SLC26A7: variants seen among roughly 807,000 people sequenced by gnomAD.
SLC26A7 encodes the protein anion exchange transporter.
A neutral mutation model predicts 82.5 loss-of-function variants in SLC26A7; 59 were observed. The observed-to-expected ratio is 0.72, with a 90% CI of 0.58 to 0.89. The LOEUF is 0.89. SLC26A7 is among the 40% of genes least tolerant of loss of function. SLC26A7 has a pLI of 0.00. For missense variants in SLC26A7, 820 were observed against 793.0 expected, an observed-to-expected ratio of 1.03 and a Z score of -0.41; for synonymous variants, 271 against 274.3, an observed-to-expected ratio of 0.99 and a Z score of 0.12.
At chr8:91,263,961 A>C (rs1038597134) in intron 2 of SLC26A7, among the ~76,000 whole-genome samples, 1 of 150,954 alleles carries the variant, frequency 6.6e-6, no homozygotes, top group Non-Finnish European at 1.5e-5. Flanking sequence ...AGGGATTATC[A>C]TTCCATTTTT....
At chr8:91,313,066 T>A (rs113900654) in intron 4 of SLC26A7, among the ~76,000 whole-genome samples, 1 of 152,176 alleles carries the variant, frequency 6.6e-6, no homozygotes, top group Non-Finnish European at 1.5e-5. Context: ...CTGCCTAATC[T>A]GATGTTATGA....
intron 2 of SLC26A7, among the ~76,000 whole-genome samples, chr8:91,277,623 A>G (rs920626632): frequency 6.6e-6 from 1 of 152,186 alleles, no homozygotes; most frequent in African/African-American, 2.4e-5. Flanking sequence ...ATGGCCCTAT[A>G]ACCAGAACAT....
At chr8:91,312,180 A>G (rs559676646) in intron 4 of SLC26A7, among the ~76,000 whole-genome samples, 15 of 152,146 alleles carry the variant, frequency 9.9e-5, no homozygotes, top group African/African-American at 3.4e-4. Flanking sequence ...TTGACTAAGT[A>G]TTTCATGTCA....
At chr8:91,262,048 C>T (rs1810982060) in intron 2 of SLC26A7, among the ~76,000 whole-genome samples, 1 of 152,054 alleles carries the variant, frequency 6.6e-6, no homozygotes, top group East Asian at 1.9e-4. Context: ...TTTGACCCTT[C>T]CACTTAGCAG....
chr8:91,348,332 G>C (rs1164794228), intron 9 of SLC26A7: 1 of 985,104 alleles, frequency 1.0e-6, no homozygotes, highest in Non-Finnish European at 1.2e-6. Flanking sequence ...AACTACTTAT[G>C]CCTTCTTTGA....
chr8:91,234,161 A>G (rs1176235502), intron 2 of SLC26A7, among the ~76,000 whole-genome samples: 1 of 152,180 alleles, frequency 6.6e-6, no homozygotes, highest in Non-Finnish European at 1.5e-5. Flanking sequence ...TGTTTTTTTC[A>G]TGCCCTTTGA....
Position 91,356,437 on chromosome 8 carries a change from G to A in SLC26A7, c.1314+3441G>A, listed in dbSNP as rs556726210. Among the ~76,000 whole-genome samples, 506 of 152,090 alleles carry A rather than the reference G, an allele frequency of 3.3e-3. 9 individuals are homozygous for A. Among genetic ancestry groups the A allele is most frequent in the African/African-American group, 0.012 (481 of 41,472 alleles). ...ATCGCCATTCTAACTGGTGTGAGAT[G>A]GTATCTCATTGTGGTTTTGATTTGC... On this transcript the variant is annotated intron_variant, in intron 11 of 18. Transcript: ENST00000276609.
chr8:91,296,684 C>T (rs1812026381), intron 4 of SLC26A7, among the ~76,000 whole-genome samples: 1 of 152,148 alleles, frequency 6.6e-6, no homozygotes, highest in Non-Finnish European at 1.5e-5. Context: ...CTTCATAGTC[C>T]TTGAAAGAAA....
chr8:91,278,298 A>T (rs970839284), intron 2 of SLC26A7, among the ~76,000 whole-genome samples: 1 of 152,088 alleles, frequency 6.6e-6, no homozygotes, highest in Admixed American at 6.5e-5. Context: ...GCTGCAAGAG[A>T]CGGGTGAGGC....
intron 11 of SLC26A7, among the ~76,000 whole-genome samples, chr8:91,357,582 T>C (rs1212472541): frequency 6.6e-6 from 1 of 152,180 alleles, no homozygotes; most frequent in African/African-American, 2.4e-5. Flanking sequence ...ACTAATCCCT[T>C]CCTTACACCG....
At chr8:91,268,070 C>A (rs1811162510) in intron 2 of SLC26A7, among the ~76,000 whole-genome samples, 1 of 151,894 alleles carries the variant, frequency 6.6e-6, no homozygotes. Flanking sequence ...TTCCTTCTGA[C>A]ACTGACTTCT....
At chr8:91,258,810 A>G (rs1810878707) in intron 2 of SLC26A7, among the ~76,000 whole-genome samples, 1 of 152,046 alleles carries the variant, frequency 6.6e-6, no homozygotes, top group South Asian at 2.1e-4. Context: ...AGAGCCACCA[A>G]AATTTACCCT....
At chr8:91,359,055 T>C (rs1278319070) in intron 11 of SLC26A7, among the ~76,000 whole-genome samples, 1 of 152,220 alleles carries the variant, frequency 6.6e-6, no homozygotes, top group Admixed American at 6.5e-5. Flanking sequence ...GTTGTGCACA[T>C]GTACCCTAGA....
At chr8:91,316,379 C>G (rs539484065) in intron 4 of SLC26A7, among the ~76,000 whole-genome samples, 1 of 150,376 alleles carries the variant, frequency 6.6e-6, no homozygotes, top group East Asian at 2.0e-4. Context: ...GCCTCCTGGG[C>G]TCAGGCCATC....
chr8:91,369,570 A>T (rs1214012046), intron 14 of SLC26A7, among the ~76,000 whole-genome samples: 1 of 152,200 alleles, frequency 6.6e-6, no homozygotes, highest in African/African-American at 2.4e-5. Flanking sequence ...GTCTGATAAC[A>T]TAAATTATTT....
chr8:91,263,480 T>C (rs1811024344), intron 2 of SLC26A7, among the ~76,000 whole-genome samples: 1 of 152,082 alleles, frequency 6.6e-6, no homozygotes, highest in African/African-American at 2.4e-5. Context: ...ATTTCTCCCT[T>C]TACTATGGCA....
intron 2 of SLC26A7, among the ~76,000 whole-genome samples, chr8:91,254,997 C>A (rs1400983757): frequency 6.6e-6 from 1 of 152,062 alleles, no homozygotes; most frequent in Non-Finnish European, 1.5e-5. Context: ...GTTTCTAAAG[C>A]ATTTTGTGCA....
rs575115905 is a variant in SLC26A7, at chr8:91,388,235, G to A, written c.1676-1103G>A. Reference sequence around the variant, plus strand: ...AAGCTCCACCTCCCGGGTTCACGCCGTTCTCCTGCCTCAGCCTCCCGAGCG... The same window carrying A: ...AAGCTCCACCTCCCGGGTTCACGCCATTCTCCTGCCTCAGCCTCCCGAGCG... On this transcript the variant is annotated intron_variant, in intron 15 of 18. Coordinates refer to ENST00000276609, the MANE Select transcript of SLC26A7 (RefSeq NM_052832.4). Among the ~76,000 whole-genome samples the A allele has an allele frequency of 5.5e-3, 798 of 146,222 alleles. 11 individuals are homozygous for A. The highest frequency in any genetic ancestry group is 0.019 in the African/African-American group (724 of 37,756).
chr8:91,214,996 A>G (rs1041351580), intron 1 of SLC26A7, among the ~76,000 whole-genome samples: 1 of 151,992 alleles, frequency 6.6e-6, no homozygotes, highest in African/African-American at 2.4e-5. Context: ...CTTCAAAGTC[A>G]GTATTGGCTG....
Sources: gnomAD v4.1 joint callset for allele counts (sites outside exome capture counted in the v4.1 genomes callset) on GRCh38, gnomAD v4.1.1 for gene constraint, MANE v1.5 for transcripts, NCBI Gene and HGNC (gene_info 2026-07-23, HGNC 2026-07-21) for gene names.